Variants in RIMS2 observed in about 807,000 individuals in gnomAD.
RIMS2 encodes the protein regulating synaptic membrane exocytosis protein 2.
In RIMS2, 59 loss-of-function variants were observed where a neutral mutation model predicts 174.4. That is an observed-to-expected ratio of 0.34 (90% confidence interval 0.27 to 0.42). RIMS2 has a LOEUF of 0.42. Ranked by LOEUF, RIMS2 falls within the 10% of genes least tolerant of loss-of-function variation. The probability of loss-of-function intolerance (pLI) is 1.00; values close to 1 mark genes in which losing one functional copy is unlikely to be tolerated. For missense variants in RIMS2, 1,620 were observed against 1,666.3 expected (o/e 0.97, Z 0.48); for synonymous variants, 606 against 572.5 (o/e 1.06, Z -0.84).
chr8:103,584,175 G>A (rs912634812), intron 1 of RIMS2, among the ~76,000 whole-genome samples: 4 of 152,128 alleles, frequency 2.6e-5, no homozygotes, highest in East Asian at 1.9e-4. Context: ...GGCCAGGAGC[G>A]AGTTGCATGA....
At chr8:103,834,585 CT>C (rs1191880148) in intron 3 of RIMS2, among the ~76,000 whole-genome samples, 2 of 150,160 alleles carry the variant, frequency 1.3e-5, no homozygotes, top group Non-Finnish European at 3.0e-5. Context: ...CTTTCTTTAG[CT>C]TTTTTTTTGT....
At chr8:103,726,236 A>G (rs1191022704) in intron 2 of RIMS2, among the ~76,000 whole-genome samples, 8 of 152,174 alleles carry the variant, frequency 5.3e-5, no homozygotes, top group African/African-American at 1.9e-4. Flanking sequence ...TTTTGACTTA[A>G]GATATTTTCA....
At chr8:103,676,240 T>TG (rs2096809405) in intron 1 of RIMS2, among the ~76,000 whole-genome samples, 1 of 152,026 alleles carries the variant, frequency 6.6e-6, no homozygotes, top group South Asian at 2.1e-4. Flanking sequence ...AAAGGGTTTT[T>TG]ATATAGACTG....
At chr8:103,615,765 C>T (rs140984393) in intron 1 of RIMS2, among the ~76,000 whole-genome samples, 165 of 152,174 alleles carry the variant, frequency 1.1e-3, no homozygotes, top group African/African-American at 3.3e-3. Flanking sequence ...CGAACTAGAA[C>T]GCTTAGAAGA....
intron 19 of RIMS2, among the ~76,000 whole-genome samples, chr8:104,114,214 A>G (rs1262047905): frequency 6.6e-6 from 1 of 152,048 alleles, no homozygotes. Flanking sequence ...GATAAAAACA[A>G]CACCTAAGAG....
intron 12 of RIMS2, 115 bp from the exon 15 acceptor site, chr8:103,936,436 T>A (rs2154535414): frequency 1.6e-6 from 1 of 611,784 alleles, no homozygotes; most frequent in East Asian, 3.0e-5. Context: ...CAATGTATGA[T>A]AATTTTATGG....
chr8:103,844,113 G>C (rs1304851684), intron 3 of RIMS2, among the ~76,000 whole-genome samples: 1 of 152,182 alleles, frequency 6.6e-6, no homozygotes, highest in Non-Finnish European at 1.5e-5. Context: ...CGATTGTGAG[G>C]CTTCCCTAGC....
In RIMS2 at chr8:104,079,033, G is replaced by A. The variant is rs572688062; in HGVS notation, c.3334+64418G>A. Among the ~76,000 whole-genome samples, 6 of 151,952 alleles carry A rather than the reference G, an allele frequency of 3.9e-5. No individual in the cohort carries two copies. The South Asian group carries it at 6.2e-4, about 16-fold the overall frequency. ...TACCATATATTCACATTTTAAGCCAGGAAATATAAAAAGACTATTTTTAAT... is the reference window on the plus strand; with the variant it reads ...TACCATATATTCACATTTTAAGCCAAGAAATATAAAAAGACTATTTTTAAT... On this transcript the variant is annotated intron_variant, in intron 19 of 23. Coordinates refer to ENST00000504942, the Ensembl canonical transcript of RIMS2.
chr8:103,951,756 A>G (rs1298316416), intron 14 of RIMS2, among the ~76,000 whole-genome samples: 10 of 152,172 alleles, frequency 6.6e-5, no homozygotes, highest in South Asian at 2.1e-4. Context: ...AGACAGAACC[A>G]TTCACTCTCC....
intron 19 of RIMS2, among the ~76,000 whole-genome samples, chr8:104,205,118 G>A (rs1045867726): frequency 2.6e-5 from 4 of 152,178 alleles, no homozygotes; most frequent in Admixed American, 2.0e-4. Flanking sequence ...GTTCAGAGAT[G>A]TAGGGAGATA....
At chr8:103,951,236 A>G (rs573050273) in intron 14 of RIMS2, among the ~76,000 whole-genome samples, 2 of 152,346 alleles carry the variant, frequency 1.3e-5, no homozygotes, top group South Asian at 4.1e-4. Context: ...AATGAGAGCC[A>G]CCTATGACAA....
At chr8:103,946,365 G>A (rs912037416) in intron 14 of RIMS2, among the ~76,000 whole-genome samples, 7 of 152,134 alleles carry the variant, frequency 4.6e-5, no homozygotes, top group East Asian at 3.9e-4. Flanking sequence ...GGTGGCAGGC[G>A]CCTGTAATCA....
At chr8:103,920,771 C>A (rs918801874) in intron 9 of RIMS2, 1 of 448,354 alleles carries the variant, frequency 2.2e-6, no homozygotes, top group African/African-American at 2.0e-5. Context: ...GGGCGGATCA[C>A]GAGGTCAGGA....
Position 104,115,652 on chromosome 8 carries a change from C to T in RIMS2, c.3334+101037C>T, listed in dbSNP as rs574151961. ...TAATTTCCTGGGACTCCTACAGTTA[C>T]AGTGATATAGTAGTGGACTGGGGAA... On this transcript the variant is annotated intron_variant, in intron 19 of 23. Transcript: ENST00000504942. Among the ~76,000 whole-genome samples, 36 of 152,168 alleles carry T rather than the reference C, an allele frequency of 2.4e-4. 1 individual carries two copies. Among genetic ancestry groups the T allele is most frequent in the Admixed American group, 2.2e-3 (34 of 15,262 alleles).
intron 2 of RIMS2, among the ~76,000 whole-genome samples, chr8:103,730,249 G>T (rs908920373): frequency 2.0e-5 from 3 of 151,614 alleles, no homozygotes; most frequent in African/African-American, 7.3e-5. Context: ...ATTTCTGGGT[G>T]CTCCAGTGTT....
chr8:103,540,200 A>T (rs1317620077), intron 1 of RIMS2, among the ~76,000 whole-genome samples: 1 of 152,172 alleles, frequency 6.6e-6, no homozygotes, highest in African/African-American at 2.4e-5. Context: ...CACTCATCTG[A>T]CACTGTTGCC....
At chr8:104,148,419 T>C (rs2098661268) in intron 19 of RIMS2, among the ~76,000 whole-genome samples, 188 bp from the exon 25 acceptor site, 1 of 152,154 alleles carries the variant, frequency 6.6e-6, no homozygotes, top group Non-Finnish European at 1.5e-5. Context: ...TTTTGCATAT[T>C]TGCTCTAAGG....
At chr8:103,876,864 T>TTTTATATATATATA (rs1378279723) in intron 3 of RIMS2, among the ~76,000 whole-genome samples, 54 of 68,004 alleles carry the variant, frequency 7.9e-4, no homozygotes, top group South Asian at 1.3e-3. Context: ...ACACACTATT[T>TTTTATATATATATA]TATATATATA....
chr8:103,923,155 A>G lies in RIMS2; in HGVS notation c.2196+1371A>G, dbSNP rs548710031. On this transcript the variant is annotated intron_variant, in intron 10 of 23. Coordinates refer to ENST00000504942, the Ensembl canonical transcript of RIMS2. ...TTAAAAATGTGTATTTTCTTCTACT[A>G]TACTATAAAATGCTAATAAATGTTG... is the stretch of plus-strand genomic sequence containing the variant. Among the ~76,000 whole-genome samples, 4 of 151,898 alleles carry G rather than the reference A, an allele frequency of 2.6e-5. 1 individual carries two copies. Among genetic ancestry groups the G allele is most frequent in the Admixed American group, 1.3e-4 (2 of 15,234 alleles).
Sources: allele counts gnomAD v4.1 joint callset (sites outside exome capture counted in the v4.1 genomes callset), GRCh38; gene constraint gnomAD v4.1.1; transcripts MANE v1.5; gene names NCBI Gene and HGNC (gene_info 2026-07-23, HGNC 2026-07-21).